NALF1: variants seen among roughly 807,000 people sequenced by gnomAD.
The protein encoded by NALF1 is family with sequence similarity 155 member A.
NALF1 carries 3 observed loss-of-function variants against 48.4 expected under a neutral mutation model. The observed-to-expected ratio is 0.06, with a 90% confidence interval of 0.03 to 0.16. The LOEUF is 0.16. Among genes scored for constraint, NALF1 ranks in the 10% least tolerant of loss-of-function variants. NALF1 has a pLI of 1.00. For synonymous variants in NALF1, 262 were observed against 245.7 expected (o/e 1.07, Z -0.62); for missense variants, 526 against 571.5 (o/e 0.92, Z 0.81).
intron 1 of NALF1, among the ~76,000 whole-genome samples, chr13:107,836,302 TA>T (rs893706586): frequency 1.2e-4 from 19 of 152,200 alleles, no homozygotes; most frequent in African/African-American, 4.3e-4. Flanking sequence ...AGTCTGACTT[TA>T]AACATAATAC....
intron 1 of NALF1, among the ~76,000 whole-genome samples, chr13:107,763,353 A>G (rs1417492616): frequency 3.3e-5 from 5 of 152,014 alleles, no homozygotes; most frequent in African/African-American, 1.2e-4. Context: ...ATGTCCACTT[A>G]CAGCCTTAAA....
chr13:107,173,608 G>A (rs923180054), intron 2 of NALF1, among the ~76,000 whole-genome samples: 1 of 152,106 alleles, frequency 6.6e-6, no homozygotes, highest in Non-Finnish European at 1.5e-5. Context: ...CCACTGCTCC[G>A]TGCACTGCAG....
At chr13:107,219,071 T>C (rs992754338) in intron 1 of NALF1, among the ~76,000 whole-genome samples, 1 of 152,196 alleles carries the variant, frequency 6.6e-6, no homozygotes, top group African/African-American at 2.4e-5. Context: ...CGGATTATCA[T>C]GTTAGTGACG....
At chr13:107,503,443 G>T (rs1313048861) in intron 1 of NALF1, among the ~76,000 whole-genome samples, 3 of 152,046 alleles carry the variant, frequency 2.0e-5, no homozygotes, top group Non-Finnish European at 4.4e-5. Flanking sequence ...AAAAAATACA[G>T]GAGATAACAA....
At chr13:107,280,663 GA>G (rs1881368952) in intron 1 of NALF1, among the ~76,000 whole-genome samples, 1 of 152,068 alleles carries the variant, frequency 6.6e-6, no homozygotes, top group Admixed American at 6.6e-5. Context: ...TTATTTTCAT[GA>G]AAACTCAAGA....
intron 1 of NALF1, among the ~76,000 whole-genome samples, chr13:107,412,521 A>AT (rs35220433): frequency 0.22 from 32,888 of 151,966 alleles, 4,008 homozygotes; most frequent in Middle Eastern, 0.28. Flanking sequence ...GATATACTAT[A>AT]TACCATCTTC....
chr13:107,587,220 C>T (rs561649915), intron 1 of NALF1, among the ~76,000 whole-genome samples: 2 of 152,138 alleles, frequency 1.3e-5, no homozygotes, highest in South Asian at 2.1e-4. Context: ...TCTCACAAGG[C>T]TTATAAGAGT....
At chr13:107,688,093 C>T (rs1810139792) in intron 1 of NALF1, among the ~76,000 whole-genome samples, 1 of 152,144 alleles carries the variant, frequency 6.6e-6, no homozygotes, top group African/African-American at 2.4e-5. Context: ...AACAATTATG[C>T]ATTGCCTTAT....
chr13:107,410,294 C>T (rs1253548845), intron 1 of NALF1, among the ~76,000 whole-genome samples: 1 of 152,118 alleles, frequency 6.6e-6, no homozygotes, highest in South Asian at 2.1e-4. Context: ...GAAGGCCACA[C>T]CCTGCAGGTT....
chr13:107,447,712 T>A (rs923034728), intron 1 of NALF1, among the ~76,000 whole-genome samples: 1 of 152,168 alleles, frequency 6.6e-6, no homozygotes, highest in Non-Finnish European at 1.5e-5. Context: ...GTGTCTTCTG[T>A]CCAGCTAATT....
At chr13:107,779,711 G>A (rs937479954) in intron 1 of NALF1, among the ~76,000 whole-genome samples, 3 of 152,184 alleles carry the variant, frequency 2.0e-5, no homozygotes, top group Non-Finnish European at 2.9e-5. Context: ...TACACAGTTG[G>A]ATGAGTTAAT....
At chr13:107,515,553 G>A (rs1876028230) in intron 1 of NALF1, among the ~76,000 whole-genome samples, 1 of 152,218 alleles carries the variant, frequency 6.6e-6, no homozygotes, top group South Asian at 2.1e-4. Flanking sequence ...CACTGGGTTT[G>A]AAACCAACTC....
At chr13:107,763,563 T>A in intron 1 of NALF1, among the ~76,000 whole-genome samples, 1 of 151,464 alleles carries the variant, frequency 6.6e-6, no homozygotes, top group East Asian at 1.9e-4. Context: ...CCTTCAAAAA[T>A]TTTTCTTGAA....
chr13:107,309,833 A>G (rs187000218), intron 1 of NALF1, among the ~76,000 whole-genome samples: 1 of 152,348 alleles, frequency 6.6e-6, no homozygotes, highest in East Asian at 1.9e-4. Context: ...TTTCAACTTC[A>G]TGTTGATGGT....
intron 1 of NALF1, among the ~76,000 whole-genome samples, chr13:107,834,014 A>T (rs1879817953): frequency 6.6e-6 from 1 of 152,082 alleles, no homozygotes; most frequent in Non-Finnish European, 1.5e-5. Flanking sequence ...TCAACTGAGG[A>T]TCGAAAATAT....
chr13:107,675,274 C>G (rs75275097), intron 1 of NALF1, among the ~76,000 whole-genome samples: 4,766 of 152,224 alleles, frequency 0.031, 268 homozygotes, highest in African/African-American at 0.11. Flanking sequence ...AGCTTGCCCC[C>G]CACTGGGCTA....
intron 1 of NALF1, among the ~76,000 whole-genome samples, chr13:107,816,908 C>T (rs1879184201): frequency 6.6e-6 from 1 of 152,186 alleles, no homozygotes; most frequent in South Asian, 2.1e-4. Context: ...CAAATACATT[C>T]ACAAGTAGCA....
At chr13:107,379,237 C>A (rs1312417876) in intron 1 of NALF1, among the ~76,000 whole-genome samples, 1 of 152,066 alleles carries the variant, frequency 6.6e-6, no homozygotes, top group Admixed American at 6.6e-5. Context: ...CCAGAAATAA[C>A]CATAGTTGTA....
intron 1 of NALF1, among the ~76,000 whole-genome samples, chr13:107,789,626 C>T (rs185239309): frequency 1.3e-5 from 2 of 152,094 alleles, no homozygotes; most frequent in Non-Finnish European, 2.9e-5. Flanking sequence ...TTTTAAGCAT[C>T]AAAATCATAC....
Sources: gnomAD v4.1 joint callset for allele counts (sites outside exome capture counted in the v4.1 genomes callset) on GRCh38, gnomAD v4.1.1 for gene constraint, MANE v1.5 for transcripts, NCBI Gene and HGNC (gene_info 2026-07-23, HGNC 2026-07-21) for gene names.